ST8SIA4: variants seen among roughly 807,000 people sequenced by gnomAD.
ST8SIA4 encodes CMP-N-acetylneuraminate-poly-alpha-2,8-sialyltransferase.
Under a neutral mutation model 33.9 loss-of-function variants are expected in ST8SIA4, and 15 were observed. That is an observed-to-expected ratio of 0.44 (90% CI 0.30 to 0.68). The LOEUF (loss-of-function observed/expected upper bound fraction) is 0.68, where lower values mean the gene tolerates loss of function less well. Among genes scored for constraint, ST8SIA4 ranks in the 30% least tolerant of loss-of-function variants. The pLI is 0.10. For missense variants in ST8SIA4, 321 were observed against 428.0 expected (o/e 0.75, Z 2.21); for synonymous variants, 171 against 151.2 (o/e 1.13, Z -0.96).
chr5:100,812,514 G>GA (rs1217237286), intron 4 of ST8SIA4, among the ~76,000 whole-genome samples: 1 of 151,490 alleles, frequency 6.6e-6, no homozygotes, highest in African/African-American at 2.4e-5. Flanking sequence ...AATCCTCCCA[G>GA]AAAAAAAAGT....
chr5:100,810,838 A>C lies in ST8SIA4; in HGVS notation c.*1009T>G, dbSNP rs1220857557. 6.6e-6 allele frequency: 1 copy of C among 152,500 alleles called. No homozygotes were observed. The highest frequency in any genetic ancestry group is 1.5e-5 in the Non-Finnish European group (1 of 68,002). The allele number at this position is 152,500 out of a possible 1,614,324, so 9.4% of individuals were successfully genotyped here. ...CACTTTAGCTGGTACCTTCTACACC[A>C]CTGGAAAATAACATGGAGGTTTAGA... On this transcript the variant is annotated 3_prime_UTR_variant, in exon 5 of 5. Transcript: ENST00000231461.
chr5:100,831,514 TA>T (rs1054715571), intron 4 of ST8SIA4, among the ~76,000 whole-genome samples: 2 of 151,938 alleles, frequency 1.3e-5, no homozygotes, highest in East Asian at 1.9e-4. Flanking sequence ...CTTTTCATCT[TA>T]AAAAAAGACT....
intron 4 of ST8SIA4, among the ~76,000 whole-genome samples, chr5:100,830,872 A>G (rs1751243942): frequency 6.6e-6 from 1 of 152,228 alleles, no homozygotes; most frequent in South Asian, 2.1e-4. Flanking sequence ...TTCAGTAATC[A>G]TATCTATTTA....
intron 4 of ST8SIA4, among the ~76,000 whole-genome samples, chr5:100,829,903 G>A (rs1222100211): frequency 1.5e-4 from 19 of 128,470 alleles, no homozygotes; most frequent in Admixed American, 6.5e-4. Context: ...GCGAGACTCC[G>A]TCTCAAAAAA....
intron 3 of ST8SIA4, among the ~76,000 whole-genome samples, chr5:100,874,009 T>A (rs1207818567): frequency 6.6e-6 from 1 of 152,060 alleles, no homozygotes; most frequent in Non-Finnish European, 1.5e-5. Flanking sequence ...AACCAACAAA[T>A]TAAATTCCTT....
At chr5:100,876,867 C>CT (rs997639869) in intron 3 of ST8SIA4, among the ~76,000 whole-genome samples, 1 of 151,610 alleles carries the variant, frequency 6.6e-6, no homozygotes, top group African/African-American at 2.4e-5. Context: ...TTTTCTGTTT[C>CT]TTTTTTTAAC....
chr5:100,815,728 G>A (rs1457760059), intron 4 of ST8SIA4, among the ~76,000 whole-genome samples: 3 of 152,062 alleles, frequency 2.0e-5, no homozygotes, highest in African/African-American at 7.2e-5. Context: ...CCAAATCAGT[G>A]TGCTATAGAA....
chr5:100,881,732 T>C (rs377700888), intron 3 of ST8SIA4, among the ~76,000 whole-genome samples: 7 of 152,166 alleles, frequency 4.6e-5, no homozygotes, highest in African/African-American at 1.7e-4. Flanking sequence ...GCCCTGGTGG[T>C]AGAGAATTTG....
intron 4 of ST8SIA4, among the ~76,000 whole-genome samples, chr5:100,854,781 C>T (rs1028270589): frequency 3.3e-5 from 5 of 152,258 alleles, no homozygotes; most frequent in Admixed American, 2.6e-4. Flanking sequence ...ATTTTTAAGT[C>T]TGGGCTTGGA....
intron 3 of ST8SIA4, among the ~76,000 whole-genome samples, chr5:100,882,936 G>T (rs532952703): frequency 3.9e-5 from 6 of 152,208 alleles, no homozygotes; most frequent in African/African-American, 1.2e-4. Flanking sequence ...GGGTGCTCAC[G>T]GATAACCTCT....
At chr5:100,876,014 A>C (rs1205962213) in intron 3 of ST8SIA4, among the ~76,000 whole-genome samples, 1 of 152,104 alleles carries the variant, frequency 6.6e-6, no homozygotes, top group Non-Finnish European at 1.5e-5. Context: ...GAAGTGTAGC[A>C]TTAGTCAACT....
At chr5:100,857,373 T>A in intron 3 of ST8SIA4, among the ~76,000 whole-genome samples, 1 of 151,892 alleles carries the variant, frequency 6.6e-6, no homozygotes, top group East Asian at 1.9e-4. Flanking sequence ...ATTTTAAAAA[T>A]AGCTTCATTT....
intron 3 of ST8SIA4, among the ~76,000 whole-genome samples, chr5:100,880,862 A>G (rs1561404310): frequency 6.6e-6 from 1 of 152,230 alleles, no homozygotes; most frequent in Non-Finnish European, 1.5e-5. Context: ...CATATTTACC[A>G]TAAAATAATT....
intron 4 of ST8SIA4, among the ~76,000 whole-genome samples, chr5:100,812,703 A>T (rs1750839315): frequency 6.6e-6 from 1 of 152,178 alleles, no homozygotes; most frequent in Admixed American, 6.5e-5. Context: ...AATAAAAAAA[A>T]GTTGTAGAAT....
intron 3 of ST8SIA4, among the ~76,000 whole-genome samples, chr5:100,866,383 G>T (rs1316670523): frequency 6.6e-6 from 1 of 152,006 alleles, no homozygotes; most frequent in African/African-American, 2.4e-5. Flanking sequence ...TTGATTAATT[G>T]TTTAATTTAA....
intron 3 of ST8SIA4, among the ~76,000 whole-genome samples, chr5:100,857,414 T>G (rs924497657): frequency 7.2e-5 from 11 of 151,972 alleles, no homozygotes; most frequent in South Asian, 4.1e-4. Flanking sequence ...TTTAACTTGC[T>G]TTTAAAAAGG....
chr5:100,811,972 C>T lies in ST8SIA4; in HGVS notation c.955G>A (p.Asp319Asn), dbSNP rs1750825342. The change falls in exon 5 of 5, where the codon GAC (aspartate) becomes AAC (asparagine). Residue 319 changes from aspartate to asparagine, a missense_variant. By Grantham distance (23) the Asp-to-Asn change is conservative (BLOSUM62 1). Transcript: ENST00000231461. ...GKAVKYHYYD[D>N]LKYRYFSNAS... ...TTGGAAAAGTACCTATATTTTAAGT[C>T]ATCATAATAATGATATTTGACCGCT... 6.2e-7 allele frequency: 1 copy of T among 1,614,062 alleles called. No homozygotes were observed. The highest frequency in any genetic ancestry group is 8.5e-7 in the Non-Finnish European group (1 of 1,180,000).
chr5:100,820,721 T>C (rs1342658669), intron 4 of ST8SIA4, among the ~76,000 whole-genome samples: 1 of 152,140 alleles, frequency 6.6e-6, no homozygotes, highest in African/African-American at 2.4e-5. Context: ...AATAGATGAC[T>C]CCCAAACTAC....
At chr5:100,816,114 T>A (rs1351856612) in intron 4 of ST8SIA4, among the ~76,000 whole-genome samples, 1 of 152,168 alleles carries the variant, frequency 6.6e-6, no homozygotes, top group Non-Finnish European at 1.5e-5. Context: ...AAAATTCAAT[T>A]GCAGTTTCAA....
Sources: gnomAD v4.1 joint callset for allele counts (sites outside exome capture counted in the v4.1 genomes callset) on GRCh38, gnomAD v4.1.1 for gene constraint, MANE v1.5 for transcripts, NCBI Gene and HGNC (gene_info 2026-07-23, HGNC 2026-07-21) for gene names.